Variants in VSTM4 observed in about 807,000 individuals in gnomAD.
The protein encoded by VSTM4 is V-set and transmembrane domain containing 4.
A neutral mutation model predicts 36.4 loss-of-function variants in VSTM4; 20 were observed. That is an observed-to-expected ratio of 0.55 (90% confidence interval 0.39 to 0.80). The LOEUF (loss-of-function observed/expected upper bound fraction) is 0.80. Ranked by LOEUF, VSTM4 falls within the 30% of genes least tolerant of loss-of-function variation. The pLI is 0.00. For missense variants in VSTM4, 392 were observed against 404.5 expected, an observed-to-expected ratio of 0.97 and a Z score of 0.26; for synonymous variants, 182 against 173.9, an observed-to-expected ratio of 1.05 and a Z score of -0.37.
At chr10:49,056,159 C>G (rs17011726) in intron 5 of VSTM4, among the ~76,000 whole-genome samples, 26,480 of 152,242 alleles carry the variant, frequency 0.17, 2,643 homozygotes, top group Non-Finnish European at 0.23. Flanking sequence ...AAATGGTTTA[C>G]ATCACCCAAG....
intron 3 of VSTM4, among the ~76,000 whole-genome samples, chr10:49,079,421 T>C (rs1844239074): frequency 6.6e-6 from 1 of 152,156 alleles, no homozygotes; most frequent in African/African-American, 2.4e-5. Context: ...ATTAGTCTGA[T>C]CAATACAATG....
chr10:49,108,433 C>T (rs901728225), intron 1 of VSTM4, among the ~76,000 whole-genome samples: 14 of 152,194 alleles, frequency 9.2e-5, no homozygotes, highest in African/African-American at 3.1e-4. Flanking sequence ...TTGTCCCTGG[C>T]CTGATGTCAG....
Position 49,097,219 on chromosome 10 carries a change from T to C in VSTM4, c.457+10375A>G, listed in dbSNP as rs563908867. 5.3e-5 allele frequency among the ~76,000 whole-genome samples: 8 copies of C among 152,320 alleles called. No homozygotes were observed. The East Asian group carries it at 1.4e-3, about 26-fold the overall frequency. The stretch of plus-strand genomic sequence containing the variant: ...CCCCTTGGACACTTATGCTTCATCT[T>C]GGAATCTCTCCAGGCAGCACCTGAA... On this transcript the variant is annotated intron_variant, in intron 2 of 7. Coordinates refer to ENST00000332853, the MANE Select transcript of VSTM4 (RefSeq NM_001031746.5).
intron 7 of VSTM4, among the ~76,000 whole-genome samples, chr10:49,030,539 G>C (rs1843329746): frequency 6.6e-6 from 1 of 152,250 alleles, no homozygotes; most frequent in Non-Finnish European, 1.5e-5. Context: ...CTCTAGGACA[G>C]TGGGAGGACT....
intron 4 of VSTM4, among the ~76,000 whole-genome samples, chr10:49,066,772 G>A (rs1175617477): frequency 6.6e-6 from 1 of 151,924 alleles, no homozygotes; most frequent in East Asian, 1.9e-4. Context: ...TACTAATTGT[G>A]CAATACTAAT....
intron 5 of VSTM4, among the ~76,000 whole-genome samples, chr10:49,063,928 G>A (rs1843925606): frequency 6.6e-6 from 1 of 152,222 alleles, no homozygotes. Context: ...CTGATGCTGG[G>A]CTCACTTGAG....
chr10:49,087,224 ATTTG>A (rs1444661553), intron 2 of VSTM4, among the ~76,000 whole-genome samples: 3 of 151,990 alleles, frequency 2.0e-5, no homozygotes, highest in Non-Finnish European at 4.4e-5. Context: ...GTTCTATATT[ATTTG>A]TTTAATTCTT....
chr10:49,107,833 G>C lies in VSTM4; in HGVS notation c.218C>G (p.Ala73Gly), dbSNP rs1844815813. Residue 73 changes from alanine to glycine, a missense_variant, in exon 2 of 8, where the codon GCC becomes GGC. Transcript: ENST00000332853. The stretch of plus-strand genomic sequence containing the variant: ...GAGCTTGGTCATCTTCACCATCAAG[G>C]CCTCCTGGGAGTCGAAGGAGTGTGC... ...FFAHSFDSQE[A>G]LMVKMTKLRV... 1 of 1,614,244 alleles carries C rather than the reference G, an allele frequency of 6.2e-7. No homozygotes were observed. Among genetic ancestry groups the C allele is most frequent in the Admixed American group, 1.7e-5 (1 of 60,032 alleles).
Position 49,016,940 on chromosome 10 carries a change from CTG to C in VSTM4, c.*2708_*2709del. The stretch of plus-strand genomic sequence containing the variant: ...TCACCACCAAATCTGAGAGCATCTG[CTG>C]TCTGCCTGAAAGAAGCCACTGCACT... On this transcript the variant is annotated 3_prime_UTR_variant, in exon 8 of 8. Coordinates refer to ENST00000332853, the MANE Select transcript of VSTM4 (RefSeq NM_001031746.5). 6.6e-6 allele frequency: 1 copy of C among 152,482 alleles called. No homozygotes were observed. Among genetic ancestry groups the C allele is most frequent in the African/African-American group, 2.4e-5 (1 of 41,604 alleles). The allele number at this position is 152,482 out of a possible 1,614,324, so 9.4% of individuals were successfully genotyped here. A position where few individuals can be genotyped will look rare whatever the true frequency, so the allele number is the denominator to read the frequency against.
chr10:49,015,119 A>ATTTTTTTTT lies in VSTM4; in HGVS notation c.*4522_*4530dup, dbSNP rs34800687. ...CCAGACCTCCTGAGCCAGGATCTAC[A>ATTTTTTTTT]TTTTTTTTTTTTTTTTTTTTGAGAC... On this transcript the variant is annotated 3_prime_UTR_variant, in exon 8 of 8. Transcript: ENST00000332853. 1 of 119,556 alleles carries ATTTTTTTTT rather than the reference A, an allele frequency of 8.4e-6. No homozygotes were observed. Among genetic ancestry groups the ATTTTTTTTT allele is most frequent in the African/African-American group, 3.2e-5 (1 of 31,718 alleles). 7.4% of individuals were successfully genotyped at this position (119,556 alleles called of 1,614,324 possible).
At chr10:49,021,017 T>C (rs1413458269) in intron 7 of VSTM4, among the ~76,000 whole-genome samples, 1 of 152,144 alleles carries the variant, frequency 6.6e-6, no homozygotes, top group Non-Finnish European at 1.5e-5. Context: ...CTTAATACAA[T>C]TAAAAACACA....
intron 5 of VSTM4, among the ~76,000 whole-genome samples, chr10:49,053,578 A>T (rs1395074994): frequency 1.3e-5 from 2 of 152,208 alleles, no homozygotes; most frequent in Non-Finnish European, 2.9e-5. Context: ...AGCCTAAATT[A>T]GATGGGGTGT....
intron 5 of VSTM4, among the ~76,000 whole-genome samples, chr10:49,052,433 A>AT (rs372235532): frequency 0.19 from 27,510 of 143,534 alleles, 2,878 homozygotes; most frequent in Non-Finnish European, 0.23. Context: ...TTGATTTAGG[A>AT]TTTTTTTTTT....
At position 49,048,472 on chromosome 10, in the gene VSTM4, C is replaced by G; in HGVS notation, c.775+6G>C. On this transcript the variant is annotated splice_donor_region_variant and intron_variant, in intron 6 of 7. Coordinates refer to ENST00000332853, the MANE Select transcript of VSTM4 (RefSeq NM_001031746.5). ...CCAGGTAAGAAACTGCAGGCCAGCT[C>G]CTTACCTTTGGCAGGGACTGCGGGA... The G allele has an allele frequency of 6.3e-7, 1 of 1,581,586 alleles. No homozygotes were observed. The highest frequency in any genetic ancestry group is 1.2e-5 in the South Asian group (1 of 84,516).
chr10:49,035,089 C>T (rs899524585), intron 7 of VSTM4, among the ~76,000 whole-genome samples: 2 of 152,136 alleles, frequency 1.3e-5, no homozygotes, highest in Non-Finnish European at 2.9e-5. Flanking sequence ...GGAGCCGCAC[C>T]ATGACACCTG....
chr10:49,083,707 G>T lies in VSTM4; in HGVS notation c.526+2248C>A, dbSNP rs1844321025. On this transcript the variant is annotated intron_variant, in intron 3 of 7. Coordinates refer to ENST00000332853, the MANE Select transcript of VSTM4 (RefSeq NM_001031746.5). ...ACCCTGACATTCTATAGCTGCACAT[G>T]AATTATGAGATACTGTTAATTGCAC... Among the ~76,000 whole-genome samples, 2 of 152,208 alleles carry T rather than the reference G, an allele frequency of 1.3e-5. 1 individual carries two copies. Among genetic ancestry groups the T allele is most frequent in the South Asian group, 4.1e-4 (2 of 4,832 alleles).
chr10:49,030,388 G>A (rs1843327193), intron 7 of VSTM4, among the ~76,000 whole-genome samples: 1 of 152,176 alleles, frequency 6.6e-6, no homozygotes, highest in South Asian at 2.1e-4. Context: ...ATGGGGCCTA[G>A]GCACTCTCGG....
intron 5 of VSTM4, among the ~76,000 whole-genome samples, chr10:49,059,016 G>A (rs1843829819): frequency 6.6e-6 from 1 of 152,360 alleles, no homozygotes; most frequent in South Asian, 2.1e-4. Context: ...GGGACGGGAG[G>A]AACTGCCTGG....
At position 49,107,965 on chromosome 10, in the gene VSTM4, G is replaced by A; in HGVS notation, c.86C>T (p.Ser29Phe). Reference protein sequence around the residue: ...EVCAALNVTVSPGPVVDYLEG... With the variant: ...EVCAALNVTVFPGPVVDYLEG... ...CAGGTAGTCAACCACGGGCCCCGGG[G>A]ACACAGTGACATTGAGGGCCGCACA... is the stretch of plus-strand genomic sequence containing the variant. The change falls in exon 2 of 8, where the codon TCC becomes TTC. Residue 29 changes from serine (S) to phenylalanine (F), a missense_variant. Coordinates refer to ENST00000332853, the MANE Select transcript of VSTM4 (RefSeq NM_001031746.5). 6.3e-7 allele frequency: 1 copy of A among 1,596,704 alleles called. No homozygotes were observed. The highest frequency in any genetic ancestry group is 1.1e-5 in the South Asian group (1 of 88,848).
Sources: allele counts gnomAD v4.1 joint callset (sites outside exome capture counted in the v4.1 genomes callset), GRCh38; gene constraint gnomAD v4.1.1; transcripts MANE v1.5; gene names NCBI Gene and HGNC (gene_info 2026-07-23, HGNC 2026-07-21).